The following PAPPA variants were observed in gnomAD, a reference collection of about 807,000 sequenced individuals.
PAPPA encodes the protein pappalysin 1.
Under a neutral mutation model 164.0 loss-of-function variants are expected in PAPPA, and 60 were observed. The ratio of observed to expected loss-of-function variants is 0.37; its 90% CI spans 0.30 to 0.45. PAPPA has a LOEUF of 0.45. Among genes scored for constraint, PAPPA ranks in the 20% least tolerant of loss-of-function variants. The pLI, the probability that PAPPA is intolerant of heterozygous loss-of-function variation, is 1.00. For missense variants in PAPPA, 1,782 were observed against 2,087.3 expected, an observed-to-expected ratio of 0.85 and a Z score of 2.85; for synonymous variants, 875 against 814.1, an observed-to-expected ratio of 1.07 and a Z score of -1.27.
intron 9 of PAPPA, among the ~76,000 whole-genome samples, chr9:116,296,411 A>G (rs1845506763): frequency 1.3e-5 from 2 of 152,184 alleles, no homozygotes; most frequent in African/African-American, 2.4e-5. Flanking sequence ...ATATTCCTCA[A>G]TCACTGGTTT....
chr9:116,352,674 C>A (rs1846297641), intron 15 of PAPPA, 32 bp from the exon 16 acceptor site: 1 of 1,570,402 alleles, frequency 6.4e-7, no homozygotes, highest in East Asian at 2.2e-5. Context: ...AGACTCCTCC[C>A]TCCTCTAACC....
At chr9:116,189,664 G>C (rs1408479904) in intron 2 of PAPPA, among the ~76,000 whole-genome samples, 1 of 152,194 alleles carries the variant, frequency 6.6e-6, no homozygotes, top group Non-Finnish European at 1.5e-5. Flanking sequence ...TCAAGCTGGA[G>C]AGACCATCAA....
chr9:116,285,167 C>CTT (rs1177249949), intron 9 of PAPPA, among the ~76,000 whole-genome samples: 2 of 90,090 alleles, frequency 2.2e-5, no homozygotes, highest in African/African-American at 8.7e-5. Flanking sequence ...TCTTTTCTTT[C>CTT]TTTCTTTTTT....
intron 2 of PAPPA, among the ~76,000 whole-genome samples, chr9:116,204,538 C>T (rs1028643591): frequency 4.6e-5 from 7 of 152,158 alleles, no homozygotes; most frequent in Admixed American, 2.0e-4. Flanking sequence ...TCTCGGCCTC[C>T]GAAGTACTGG....
At chr9:116,219,748 C>T (rs905542684) in intron 4 of PAPPA, among the ~76,000 whole-genome samples, 189 bp from the exon 5 acceptor site, 6 of 152,156 alleles carry the variant, frequency 3.9e-5, no homozygotes, top group Non-Finnish European at 8.8e-5. Flanking sequence ...TCTCACCTGT[C>T]TCCAGAAGTG....
intron 20 of PAPPA, among the ~76,000 whole-genome samples, chr9:116,378,882 T>C (rs1373300858): frequency 6.6e-6 from 1 of 152,206 alleles, no homozygotes; most frequent in Non-Finnish European, 1.5e-5. Flanking sequence ...CATTTTTTTC[T>C]CTGCATTGTT....
chr9:116,326,102 C>T (rs1450581594), intron 10 of PAPPA, among the ~76,000 whole-genome samples: 3 of 152,078 alleles, frequency 2.0e-5, no homozygotes. Flanking sequence ...GGTACATAGG[C>T]TTTCTATAAA....
chr9:116,387,117 T>C lies in PAPPA; in HGVS notation c.4776+4624T>C, dbSNP rs904216921. On this transcript the variant is annotated intron_variant, in intron 21 of 21. Transcript: ENST00000328252. ...CCTGGGTGAGTTTCAAGCACCTTCC[T>C]AAATCACAGGAATTCAGTTAACTGA... is the stretch of plus-strand genomic sequence containing the variant. Among the ~76,000 whole-genome samples, 5 of 152,070 alleles carry C rather than the reference T, an allele frequency of 3.3e-5. No individual in the cohort carries two copies. The East Asian group carries it at 9.7e-4, about 29-fold the overall frequency.
chr9:116,187,558 A>C lies in PAPPA; in HGVS notation c.820A>C (p.Thr274Pro). Residue 274 changes from threonine to proline, a missense_variant, in exon 2 of 22, where the codon ACC becomes CCC. Physicochemically the swap from Thr to Pro is conservative, Grantham distance 38 (BLOSUM62 -1). Transcript: ENST00000328252. This position sits in a 1 kb window ranked among gnomAD's most constrained non-coding sequence, Gnocchi z 4.2. Reference protein sequence around the residue: ...TQREILSDMETHGAHTALPQL... With the variant: ...TQREILSDMEPHGAHTALPQL... ...GCGGGAGATACTGTCTGACATGGAA[A>C]CCCATGGCGCCCACACTGCTCTACC... The C allele has an allele frequency of 6.2e-7, 1 of 1,614,104 alleles. No homozygotes were observed. Among genetic ancestry groups the C allele is most frequent in the Non-Finnish European group, 8.5e-7 (1 of 1,180,018 alleles).
At position 116,285,168 on chromosome 9, in the gene PAPPA, TTTC is replaced by T. The variant is rs1218105926; in HGVS notation, c.2953+13755_2953+13757del. Among the ~76,000 whole-genome samples the T allele has an allele frequency of 4.4e-3, 458 of 105,062 alleles. 1 individual carries two copies. Among genetic ancestry groups the T allele is most frequent in the African/African-American group, 0.015 (431 of 27,986 alleles). The allele number at this position is 105,062 out of a possible 152,430, so 68.9% of individuals were successfully genotyped here. On this transcript the variant is annotated intron_variant, in intron 9 of 21. Transcript: ENST00000328252. ...TTTCTTTTTCTTTTTCTTTTCTTTC[TTTC>T]TTTTTTTTTTTTTTTTTTTGACAGA...
intron 13 of PAPPA, among the ~76,000 whole-genome samples, chr9:116,340,392 G>A (rs1336380617): frequency 1.3e-5 from 2 of 152,240 alleles, no homozygotes; most frequent in African/African-American, 4.8e-5. Flanking sequence ...GGACTTAGGG[G>A]ACAGACTGGC....
chr9:116,177,205 G>A (rs971563576), intron 1 of PAPPA, among the ~76,000 whole-genome samples: 2 of 152,036 alleles, frequency 1.3e-5, no homozygotes, highest in Non-Finnish European at 2.9e-5. Context: ...AGTGTTCTAT[G>A]AACAGTGTCT....
chr9:116,373,502 G>C (rs1355989490), intron 19 of PAPPA: 1 of 152,036 alleles, frequency 6.6e-6, no homozygotes, highest in Non-Finnish European at 1.5e-5. Context: ...AAGGGAAAAA[G>C]GGCTTATCTT....
intron 4 of PAPPA, among the ~76,000 whole-genome samples, chr9:116,219,082 C>G (rs1197982707): frequency 6.6e-6 from 1 of 152,204 alleles, no homozygotes; most frequent in Non-Finnish European, 1.5e-5. Flanking sequence ...AGTCATGCAG[C>G]ACTTTCTCCT....
Position 116,344,573 on chromosome 9 carries a change from C to T in PAPPA, c.3642C>T (p.Asp1214=), listed in dbSNP as rs1846182139. The T allele has an allele frequency of 1.2e-6, 2 of 1,613,704 alleles. No homozygotes were observed. The highest frequency in any genetic ancestry group is 1.7e-6 in the Non-Finnish European group (2 of 1,179,754). Residue 1214 remains aspartate (D), a synonymous_variant, in exon 14 of 22, where the codon GAC becomes GAT. Transcript: ENST00000328252. ...SCVHFACEKT[D]CPELAVENAS... ...TGCACTTCGCATGTGAGAAAACTGA[C>T]TGTCCAGAGCTGGCTGTGGAGAATG...
chr9:116,362,563 G>C (rs1449594558), intron 17 of PAPPA, 29 bp from the exon 18 acceptor site: 1 of 1,603,744 alleles, frequency 6.2e-7, no homozygotes, highest in Non-Finnish European at 8.5e-7. Flanking sequence ...TGTCTCTCTT[G>C]GTCCTAACTC....
At chr9:116,158,183 A>C (rs537170805) in intron 1 of PAPPA, among the ~76,000 whole-genome samples, 19 of 152,200 alleles carry the variant, frequency 1.2e-4, no homozygotes, top group South Asian at 4.1e-4. Context: ...GACTGGATTA[A>C]GTGTGCTGGT....
chr9:116,289,121 CATAT>C (rs200604980), intron 9 of PAPPA, among the ~76,000 whole-genome samples: 151 of 17,796 alleles, frequency 8.5e-3, no homozygotes, highest in African/African-American at 0.014. Flanking sequence ...TATGCATATA[CATAT>C]ATATATATAT....
chr9:116,211,876 C>T lies in PAPPA; in HGVS notation c.1862C>T (p.Thr621Ile), dbSNP rs769226917. ...GGTGACCCAGGGCCAGGAAATGACA[C>T]CTGTGGCTTTCATAGCTTCTTCAAC... is the stretch of plus-strand genomic sequence containing the variant. ...SCGDPGPGND[T>I]CGFHSFFNTP... Residue 621 changes from threonine to isoleucine, a missense_variant, in exon 4 of 22, where the codon ACC (threonine) becomes ATC (isoleucine). Around this residue, in one of 2 missense-constraint regions of PAPPA, gnomAD observed 1,324 missense variants for 1,656.9 expected, o/e 0.80. Transcript: ENST00000328252. 6 of 1,614,016 alleles carry T rather than the reference C, an allele frequency of 3.7e-6. No homozygotes were observed. Among genetic ancestry groups the T allele is most frequent in the Non-Finnish European group, 5.1e-6 (6 of 1,180,020 alleles).
Sources: allele counts gnomAD v4.1 joint callset (sites outside exome capture counted in the v4.1 genomes callset), GRCh38; gene constraint gnomAD v4.1.1; regional missense constraint gnomAD v4.1.1; non-coding constraint Gnocchi (gnomAD v3.1); transcripts MANE v1.5; gene names NCBI Gene and HGNC (gene_info 2026-07-23, HGNC 2026-07-21).